Variants in CENPP observed in about 807,000 individuals in gnomAD.
The protein encoded by CENPP is centromere protein P.
CENPP carries 24 observed loss-of-function variants against 35.6 expected under a neutral mutation model. The observed-to-expected ratio is 0.67, with a 90% CI of 0.49 to 0.95. The LOEUF is 0.95. Ranked by LOEUF, CENPP falls within the 40% of genes least tolerant of loss-of-function variation. The pLI, the probability that CENPP is intolerant of heterozygous loss-of-function variation, is 0.00. For synonymous variants in CENPP, 120 were observed against 125.5 expected (o/e 0.96, Z 0.29); for missense variants, 332 against 345.3 (o/e 0.96, Z 0.31).
chr9:92,362,270 C>T (rs1194948951), intron 4 of CENPP, among the ~76,000 whole-genome samples: 1 of 152,090 alleles, frequency 6.6e-6, no homozygotes, highest in Non-Finnish European at 1.5e-5. Context: ...GTTCTAGCTA[C>T]CTGAGGGGCT....
chr9:92,369,467 T>C (rs770298604), intron 4 of CENPP, among the ~76,000 whole-genome samples: 1 of 151,984 alleles, frequency 6.6e-6, no homozygotes, highest in Non-Finnish European at 1.5e-5. Flanking sequence ...AGGTGTGGAT[T>C]CTGGGTTGGT....
intron 5 of CENPP, among the ~76,000 whole-genome samples, chr9:92,563,157 T>G (rs1458787160): frequency 1.3e-5 from 2 of 152,242 alleles, no homozygotes; most frequent in Non-Finnish European, 2.9e-5. Flanking sequence ...TTCTTTTATG[T>G]GTACAAGGAT....
intron 5 of CENPP, chr9:92,417,225 T>A: frequency 6.2e-7 from 1 of 1,614,092 alleles, no homozygotes; most frequent in Non-Finnish European, 8.5e-7. Context: ...GTTGCATTGA[T>A]GAATGAATTT....
chr9:92,457,112 A>G, intron 5 of CENPP: 1 of 1,407,570 alleles, frequency 7.1e-7, no homozygotes, highest in Non-Finnish European at 9.2e-7. Flanking sequence ...TTATGTATCA[A>G]TAGTTTGGCA....
chr9:92,468,577 A>G (rs1845398537), intron 5 of CENPP, among the ~76,000 whole-genome samples: 1 of 152,218 alleles, frequency 6.6e-6, no homozygotes, highest in African/African-American at 2.4e-5. Context: ...GCTAAAACTT[A>G]ACACAGAGAA....
chr9:92,469,494 G>C (rs1845431885), intron 5 of CENPP, among the ~76,000 whole-genome samples: 1 of 152,184 alleles, frequency 6.6e-6, no homozygotes, highest in South Asian at 2.1e-4. Context: ...GTGACAGGGA[G>C]GCATGGTGAC....
At chr9:92,496,002 A>G in intron 5 of CENPP, 1 of 999,878 alleles carries the variant, frequency 1.0e-6, no homozygotes, top group Non-Finnish European at 1.2e-6. Flanking sequence ...ATTCAAGTTG[A>G]TTATAAAGGC....
chr9:92,602,940 G>A (rs563096037), intron 5 of CENPP, among the ~76,000 whole-genome samples: 7 of 151,716 alleles, frequency 4.6e-5, no homozygotes, highest in South Asian at 4.2e-4. Flanking sequence ...ACAGATGGGC[G>A]CCACCACGCC....
intron 5 of CENPP, among the ~76,000 whole-genome samples, chr9:92,478,970 G>A (rs147052913): frequency 7.2e-5 from 11 of 152,244 alleles, no homozygotes; most frequent in African/African-American, 2.4e-4. Flanking sequence ...GCCTGGCAGC[G>A]GGAGCAAGGA....
intron 4 of CENPP, among the ~76,000 whole-genome samples, chr9:92,360,173 A>AT (rs1488797970): frequency 6.6e-6 from 1 of 152,150 alleles, no homozygotes; most frequent in Non-Finnish European, 1.5e-5. Flanking sequence ...TATTTGTATT[A>AT]TTTTTTATTG....
chr9:92,540,406 C>T (rs1849289642), intron 5 of CENPP, among the ~76,000 whole-genome samples: 1 of 150,220 alleles, frequency 6.7e-6, no homozygotes, highest in Non-Finnish European at 1.5e-5. Flanking sequence ...CCACTGCACT[C>T]CAGCCTGGAC....
At chr9:92,502,616 T>C in intron 5 of CENPP, 1 of 1,601,434 alleles carries the variant, frequency 6.2e-7, no homozygotes, top group Non-Finnish European at 8.5e-7. Flanking sequence ...CAAATTTCAG[T>C]TATTTCTTCA....
rs1840472810 is a variant in CENPP, at chr9:92,326,020, G to A, written c.22G>A (p.Val8Met). 3.9e-6 allele frequency: 6 copies of A among 1,554,752 alleles called. No individual in the cohort carries two copies. Among genetic ancestry groups the A allele is most frequent in the Non-Finnish European group, 5.2e-6 (6 of 1,149,790 alleles). The change falls in exon 1 of 8, where the codon GTG (valine) becomes ATG (methionine). Residue 8 changes from valine to methionine, a missense_variant. Coordinates refer to ENST00000375587, the MANE Select transcript of CENPP (RefSeq NM_001012267.3). ...CGCCATGGACGCAGAGCTGGCAGAGGTGCGCGCCTTGCAAGCTGAGATCGC... is the reference window on the plus strand; with the variant it reads ...CGCCATGGACGCAGAGCTGGCAGAGATGCGCGCCTTGCAAGCTGAGATCGC... MDAELAE[V>M]RALQAEIAAL... is the part of the protein sequence containing the mutation.
intron 5 of CENPP, among the ~76,000 whole-genome samples, chr9:92,492,047 T>A (rs902167542): frequency 6.6e-6 from 1 of 152,192 alleles, no homozygotes; most frequent in Non-Finnish European, 1.5e-5. Flanking sequence ...ATCTTTCTCC[T>A]CTGAACTACG....
intron 5 of CENPP, among the ~76,000 whole-genome samples, chr9:92,588,212 GAGAA>G (rs1291837826): frequency 3.9e-5 from 6 of 151,928 alleles, no homozygotes; most frequent in Admixed American, 2.0e-4. Flanking sequence ...AATTTAAAGA[GAGAA>G]AGAACAGCTG....
intron 5 of CENPP, among the ~76,000 whole-genome samples, chr9:92,514,094 C>T (rs1279380330): frequency 1.3e-5 from 2 of 150,226 alleles, no homozygotes; most frequent in Non-Finnish European, 3.0e-5. Flanking sequence ...AATTAAAATA[C>T]AGTCTTCACA....
chr9:92,341,269 TTGGTCCTG>T (rs1286336731), intron 3 of CENPP, among the ~76,000 whole-genome samples: 1 of 152,238 alleles, frequency 6.6e-6, no homozygotes, highest in Non-Finnish European at 1.5e-5. Context: ...TAATTTCGCC[TTGGTCCTG>T]TGGTCCTGTG....
intron 5 of CENPP, among the ~76,000 whole-genome samples, chr9:92,598,823 G>A (rs1302856663): frequency 6.7e-6 from 1 of 149,340 alleles, no homozygotes; most frequent in African/African-American, 2.5e-5. Flanking sequence ...AAAACTACAA[G>A]GAGGCCAGGC....
chr9:92,566,574 G>A (rs1223358663), intron 5 of CENPP, among the ~76,000 whole-genome samples: 2 of 152,086 alleles, frequency 1.3e-5, no homozygotes, highest in East Asian at 3.9e-4. Flanking sequence ...TACAATAACT[G>A]AAATGAAAAA....
Sources: gnomAD v4.1 joint callset for allele counts (sites outside exome capture counted in the v4.1 genomes callset) on GRCh38, gnomAD v4.1.1 for gene constraint, MANE v1.5 for transcripts, NCBI Gene and HGNC (gene_info 2026-07-23, HGNC 2026-07-21) for gene names.